MAP2: variants seen among roughly 807,000 people sequenced by gnomAD.
MAP2 encodes microtubule-associated protein 2.
A neutral mutation model predicts 137.6 loss-of-function variants in MAP2; 14 were observed. That is an observed-to-expected ratio of 0.10 (90% confidence interval 0.07 to 0.16). The LOEUF is 0.16. Ranked by LOEUF, MAP2 falls within the 10% of genes least tolerant of loss-of-function variation. The pLI is 1.00. For missense variants in MAP2, 2,088 were observed against 2,191.5 expected (o/e 0.95, Z 0.94); for synonymous variants, 786 against 782.3 (o/e 1.00, Z -0.08).
chr2:209,544,359 A>T (rs1404730635), intron 2 of MAP2, among the ~76,000 whole-genome samples: 3 of 152,148 alleles, frequency 2.0e-5, no homozygotes, highest in Non-Finnish European at 4.4e-5. Flanking sequence ...ACAAAATGGT[A>T]TTGGGAGAAA....
At chr2:209,628,086 G>A (rs1581228818) in intron 4 of MAP2, among the ~76,000 whole-genome samples, 1 of 152,070 alleles carries the variant, frequency 6.6e-6, no homozygotes, top group East Asian at 1.9e-4. Flanking sequence ...ATATTTTTCG[G>A]CCGGGCACGG....
At chr2:209,435,345 A>T (rs1695658377) in intron 1 of MAP2, among the ~76,000 whole-genome samples, 2 of 151,970 alleles carry the variant, frequency 1.3e-5, no homozygotes, top group South Asian at 2.1e-4. Flanking sequence ...GCAGAAGTGA[A>T]ACACATTATG....
At chr2:209,610,540 T>A (rs993457549) in intron 3 of MAP2, among the ~76,000 whole-genome samples, 2 of 152,082 alleles carry the variant, frequency 1.3e-5, no homozygotes, top group African/African-American at 4.8e-5. Context: ...GTGGTAGAAT[T>A]GTGGCATTTC....
intron 1 of MAP2, among the ~76,000 whole-genome samples, chr2:209,440,910 G>A (rs918343672): frequency 6.6e-6 from 1 of 151,316 alleles, no homozygotes; most frequent in African/African-American, 2.4e-5. Flanking sequence ...ACATCCTTTT[G>A]GCAACTAAAC....
At chr2:209,524,281 A>AT (rs537110114) in intron 2 of MAP2, among the ~76,000 whole-genome samples, 320 of 152,000 alleles carry the variant, frequency 2.1e-3, no homozygotes, top group Non-Finnish European at 3.5e-3. Context: ...TAGAAATATG[A>AT]TTTTTTTCAA....
At chr2:209,488,697 C>T (rs1248587134) in intron 1 of MAP2, among the ~76,000 whole-genome samples, 2 of 152,176 alleles carry the variant, frequency 1.3e-5, no homozygotes, top group African/African-American at 4.8e-5. Flanking sequence ...CAGAGCCCAC[C>T]ACAGTGCCAA....
intron 2 of MAP2, among the ~76,000 whole-genome samples, chr2:209,543,311 A>T (rs547258554): frequency 6.6e-6 from 1 of 152,356 alleles, no homozygotes; most frequent in East Asian, 1.9e-4. Context: ...CAGTAACGTC[A>T]AAGATCACTG....
At chr2:209,594,453 G>T (rs1316294922) in intron 3 of MAP2, among the ~76,000 whole-genome samples, 13 of 152,104 alleles carry the variant, frequency 8.5e-5, no homozygotes, top group Non-Finnish European at 1.3e-4. Context: ...ATTTGATTAC[G>T]CTAAGCTTGG....
At chr2:209,430,547 A>G (rs944244054) in intron 1 of MAP2, among the ~76,000 whole-genome samples, 6 of 152,202 alleles carry the variant, frequency 3.9e-5, no homozygotes, top group African/African-American at 1.4e-4. Context: ...ATGAAATCAA[A>G]TTAGATTAAT....
chr2:209,670,177 C>A (rs193064759), intron 5 of MAP2, among the ~76,000 whole-genome samples: 326 of 152,046 alleles, frequency 2.1e-3, no homozygotes, highest in African/African-American at 7.4e-3. Flanking sequence ...CTAGGAATTT[C>A]TCTTTCTCAA....
chr2:209,593,976 A>G (rs2080483128), intron 3 of MAP2, among the ~76,000 whole-genome samples: 1 of 130,674 alleles, frequency 7.7e-6, no homozygotes, highest in African/African-American at 2.8e-5. Context: ...TTTTAAAATT[A>G]TATATATACA....
intron 13 of MAP2, chr2:209,723,763 C>G: frequency 1.0e-6 from 1 of 957,476 alleles, no homozygotes; most frequent in East Asian, 2.4e-5. Context: ...TGCCTTCTTT[C>G]CCACCTCTTT....
chr2:209,705,791 CTTATAT>C (rs1485678922), intron 12 of MAP2, 64 bp downstream of exon 12: 2 of 1,270,776 alleles, frequency 1.6e-6, no homozygotes, highest in African/African-American at 1.5e-5. Context: ...TGGAATAGCA[CTTATAT>C]TTATATTTTA....
chr2:209,477,298 AATC>A (rs1389517164), intron 1 of MAP2, among the ~76,000 whole-genome samples: 2 of 152,186 alleles, frequency 1.3e-5, no homozygotes, highest in Admixed American at 1.3e-4. Context: ...ACTGCTTGTC[AATC>A]TTAAACTATT....
At chr2:209,637,722 T>C (rs1171212659) in intron 4 of MAP2, among the ~76,000 whole-genome samples, 1 of 152,058 alleles carries the variant, frequency 6.6e-6, no homozygotes, top group Non-Finnish European at 1.5e-5. Context: ...TTGTGATGGT[T>C]ATGATGAAAT....
chr2:209,468,272 A>G (rs1157219827), intron 1 of MAP2, among the ~76,000 whole-genome samples: 1 of 149,112 alleles, frequency 6.7e-6, no homozygotes, highest in Non-Finnish European at 1.5e-5. Context: ...TTCAGTTTTT[A>G]GAAAACTAAA....
intron 2 of MAP2, among the ~76,000 whole-genome samples, chr2:209,522,582 A>T (rs542162869): frequency 4.8e-4 from 73 of 152,302 alleles, no homozygotes; most frequent in African/African-American, 1.6e-3. Context: ...AAATCCATAT[A>T]TGAAAAAAGT....
At chr2:209,688,885 A>G (rs1012497044) in intron 7 of MAP2, among the ~76,000 whole-genome samples, 1 of 152,224 alleles carries the variant, frequency 6.6e-6, no homozygotes, top group Admixed American at 6.5e-5. Context: ...AACGTCTTCA[A>G]GGACCCTTTT....
chr2:209,704,907 A>G (rs12613705), intron 11 of MAP2, among the ~76,000 whole-genome samples: 15,521 of 150,438 alleles, frequency 0.1, 949 homozygotes, highest in East Asian at 0.23. Flanking sequence ...AAAACAAAAT[A>G]TATTCTATTA....
Sources: gnomAD v4.1 joint callset for allele counts (sites outside exome capture counted in the v4.1 genomes callset) on GRCh38, gnomAD v4.1.1 for gene constraint, MANE v1.5 for transcripts, NCBI Gene and HGNC (gene_info 2026-07-23, HGNC 2026-07-21) for gene names.